Variants in CBLN2 observed in about 807,000 individuals in gnomAD.
The protein encoded by CBLN2 is cerebellin 2 precursor.
Under a neutral mutation model 15.0 loss-of-function variants are expected in CBLN2, and 7 were observed. The observed-to-expected ratio is 0.47, with a 90% CI of 0.27 to 0.88. The LOEUF (loss-of-function observed/expected upper bound fraction) is 0.88, where lower values mean the gene tolerates loss of function less well. Among genes scored for constraint, CBLN2 ranks in the 40% least tolerant of loss-of-function variants. The pLI, the probability that CBLN2 is intolerant of heterozygous loss-of-function variation, is 0.14. For missense variants in CBLN2, 242 were observed against 304.5 expected, an observed-to-expected ratio of 0.79 and a Z score of 1.53; for synonymous variants, 149 against 135.2, an observed-to-expected ratio of 1.10 and a Z score of -0.71.
intron 1 of CBLN2, among the ~76,000 whole-genome samples, chr18:72,615,580 G>C (rs2069656018): frequency 6.6e-6 from 1 of 151,976 alleles, no homozygotes; most frequent in Admixed American, 6.6e-5. Flanking sequence ...CCTGGCCCAA[G>C]TAAAATCTTA....
At chr18:72,629,542 G>T (rs1372718856) in intron 1 of CBLN2, among the ~76,000 whole-genome samples, 1 of 152,056 alleles carries the variant, frequency 6.6e-6, no homozygotes, top group Non-Finnish European at 1.5e-5. Context: ...ATTGTTTTAT[G>T]AAAACATTTC....
At chr18:72,548,170 G>A (rs1002613289), upstream of CBLN2, among the ~76,000 whole-genome samples, 8 of 152,282 alleles carry the variant, frequency 5.3e-5, no homozygotes, top group Non-Finnish European at 7.4e-5. Context: ...TCCTCAGTGC[G>A]TGCCACTAAG....
At chr18:72,617,203 T>A (rs1348275824) in intron 1 of CBLN2, among the ~76,000 whole-genome samples, 1 of 152,202 alleles carries the variant, frequency 6.6e-6, no homozygotes, top group Non-Finnish European at 1.5e-5. Flanking sequence ...TAGTATAACA[T>A]TGTTGGTTCA....
chr18:72,540,183 G>A (rs1280018377), intron 3 of CBLN2: 1 of 152,080 alleles, frequency 6.6e-6, no homozygotes, highest in African/African-American at 2.4e-5. Flanking sequence ...AAAGAATAAA[G>A]CATTCTCCAT....
Position 72,542,133 on chromosome 18 carries a change from C to T in CBLN2, c.28G>A (p.Gly10Arg). MQAPGRGPL[G>R]LRLMMPGRRG... ...CGCCCGGGCATCATCAGCCGCAGCC[C>T]GAGTGGCCCCCGGCCGGGCGCCTGC... The change falls in exon 3 of 5, where the codon GGG becomes AGG. Residue 10 changes from glycine to arginine, a missense_variant. Coordinates refer to ENST00000269503, the MANE Select transcript of CBLN2 (RefSeq NM_182511.4). 3 of 1,349,644 alleles carry T rather than the reference C, an allele frequency of 2.2e-6. No homozygotes were observed. Among genetic ancestry groups the T allele is most frequent in the Non-Finnish European group, 2.8e-6 (3 of 1,060,040 alleles). 83.6% of individuals were successfully genotyped at this position (1,349,644 alleles called of 1,614,324 possible). A position where few individuals can be genotyped will look rare whatever the true frequency, so the allele number is the denominator to read the frequency against.
chr18:72,628,324 G>A (rs1338634981), intron 1 of CBLN2, among the ~76,000 whole-genome samples: 11 of 152,204 alleles, frequency 7.2e-5, no homozygotes, highest in Admixed American at 7.2e-4. Flanking sequence ...GCTCTGCACT[G>A]GAGTTTAGTA....
At chr18:72,609,334 AG>A (rs2069605451) in intron 1 of CBLN2, among the ~76,000 whole-genome samples, 1 of 152,102 alleles carries the variant, frequency 6.6e-6, no homozygotes, top group African/African-American at 2.4e-5. Context: ...ATGAGGTTAT[AG>A]GGGTGGTCAC....
chr18:72,576,759 A>G (rs1294844049), intron 1 of CBLN2, among the ~76,000 whole-genome samples: 2 of 151,678 alleles, frequency 1.3e-5, no homozygotes, highest in African/African-American at 2.4e-5. Flanking sequence ...GAAAATTAAA[A>G]ACACATTTTA....
chr18:72,553,339 A>G (rs2069202825), intron 1 of CBLN2, among the ~76,000 whole-genome samples: 1 of 152,162 alleles, frequency 6.6e-6, no homozygotes. Flanking sequence ...CCAACATGTC[A>G]ATGAGGGAAG....
intron 1 of CBLN2, among the ~76,000 whole-genome samples, chr18:72,619,660 C>T (rs1005507970): frequency 6.6e-6 from 1 of 152,012 alleles, no homozygotes; most frequent in South Asian, 2.1e-4. Context: ...TTGTTTTTTG[C>T]CCTTGATTAT....
intron 1 of CBLN2, among the ~76,000 whole-genome samples, chr18:72,628,449 C>G (rs575433488): frequency 6.6e-6 from 1 of 152,156 alleles, no homozygotes. Context: ...AATCACAGCC[C>G]CAGCTGACCC....
intron 1 of CBLN2, among the ~76,000 whole-genome samples, chr18:72,583,939 C>T (rs2069423864): frequency 6.6e-6 from 1 of 152,220 alleles, no homozygotes; most frequent in Non-Finnish European, 1.5e-5. Context: ...GTGCAGGACA[C>T]TGCTAAACTC....
At chr18:72,617,028 A>AT (rs1488540038) in intron 1 of CBLN2, among the ~76,000 whole-genome samples, 2 of 152,186 alleles carry the variant, frequency 1.3e-5, no homozygotes, top group African/African-American at 2.4e-5. Context: ...TATATTCCTA[A>AT]TTTCTCAGAA....
intron 1 of CBLN2, among the ~76,000 whole-genome samples, chr18:72,625,806 CTCTCTCTCTCTCTA>C (rs1310625376): frequency 1.2e-4 from 7 of 59,788 alleles, no homozygotes; most frequent in East Asian, 1.7e-3. Context: ...CTCTCTCTCT[CTCTCTCTCTCTCTA>C]TATATATATA....
Position 72,625,065 on chromosome 18 carries a change from A to G in CBLN2, c.15+13260T>C, listed in dbSNP as rs1392500297. ...GGTGCTTTAGGGAGCCTCTCTCCATAAAGTCTTATCATCAGATAGGTTTTT... is the reference window on the plus strand; with the variant it reads ...GGTGCTTTAGGGAGCCTCTCTCCATGAAGTCTTATCATCAGATAGGTTTTT... On this transcript the variant is annotated intron_variant, in intron 1 of 2. Coordinates refer to the CBLN2 transcript ENST00000581073. 3 of 152,140 alleles carry G rather than the reference A, an allele frequency of 2.0e-5. No individual in the cohort carries two copies. The East Asian group carries it at 5.8e-4, about 29-fold the overall frequency. 9.4% of individuals were successfully genotyped at this position (152,140 alleles called of 1,614,324 possible).
Position 72,596,112 on chromosome 18 carries a change from T to C in CBLN2, c.15+42213A>G, listed in dbSNP as rs528873236. On this transcript the variant is annotated intron_variant, in intron 1 of 2. Transcript: ENST00000581073. ...GTTTTGTGGTCTTCTCTTCCTTCTT[T>C]CTTTCCTTCCAGTCTTCCTTTTACT... Among the ~76,000 whole-genome samples the C allele has an allele frequency of 3.3e-5, 5 of 152,268 alleles. No individual in the cohort carries two copies. In the East Asian group the frequency reaches 9.6e-4, roughly 29 times the overall value.
intron 1 of CBLN2, among the ~76,000 whole-genome samples, chr18:72,558,962 G>T (rs2069243435): frequency 6.6e-6 from 1 of 152,166 alleles, no homozygotes; most frequent in East Asian, 1.9e-4. Flanking sequence ...GTCGGGGTGG[G>T]GAGAATCACC....
chr18:72,609,790 C>A (rs1732455154), intron 1 of CBLN2, among the ~76,000 whole-genome samples: 1 of 152,216 alleles, frequency 6.6e-6, no homozygotes, highest in Non-Finnish European at 1.5e-5. Flanking sequence ...GAAGTGCCTA[C>A]TTCTTGATTG....
chr18:72,622,333 A>T (rs911936303), intron 1 of CBLN2, among the ~76,000 whole-genome samples: 1 of 151,952 alleles, frequency 6.6e-6, no homozygotes, highest in Non-Finnish European at 1.5e-5. Context: ...TTTGAGAATG[A>T]TGCTCATTTA....
Sources: gnomAD v4.1 joint callset for allele counts (sites outside exome capture counted in the v4.1 genomes callset) on GRCh38, gnomAD v4.1.1 for gene constraint, MANE v1.5 for transcripts, NCBI Gene and HGNC (gene_info 2026-07-23, HGNC 2026-07-21) for gene names.